The following COL14A1 variants were observed in gnomAD, a reference collection of about 807,000 sequenced individuals.
COL14A1 encodes collagen alpha-1(XIV) chain.
A neutral mutation model predicts 230.3 loss-of-function variants in COL14A1; 136 were observed. The observed-to-expected ratio is 0.59, with a 90% CI of 0.51 to 0.68. The LOEUF is 0.68. Among genes scored for constraint, COL14A1 ranks in the 30% least tolerant of loss-of-function variants. The pLI is 0.00. For synonymous variants in COL14A1, 792 were observed against 784.1 expected (o/e 1.01, Z -0.17); for missense variants, 1,976 against 2,215.8 (o/e 0.89, Z 2.17).
Position 120,225,175 on chromosome 8 carries a change from G to C in COL14A1, c.1825G>C (p.Glu609Gln). The C allele has an allele frequency of 6.2e-7, 1 of 1,613,092 alleles. No individual in the cohort carries two copies. The highest frequency in any genetic ancestry group is 8.5e-7 in the Non-Finnish European group (1 of 1,179,746). Residue 609 changes from glutamate to glutamine, a missense_variant, in exon 15 of 48, where the codon GAA (glutamate) becomes CAA (glutamine). Physicochemically the swap from Glu to Gln is conservative, Grantham distance 29 (BLOSUM62 2). Coordinates refer to ENST00000297848, the MANE Select transcript of COL14A1 (RefSeq NM_021110.4). The stretch of plus-strand genomic sequence containing the variant: ...TATTGCTATTTTCTCCATCTATGAT[G>C]AAGGACAGTCAGAGCCTCTGACTGG... ...YTIAIFSIYD[E>Q]GQSEPLTGVF... is the part of the protein sequence containing the mutation.
intron 44 of COL14A1, 75 bp from the exon 45 acceptor site, chr8:120,345,300 A>T: frequency 7.3e-7 from 1 of 1,377,628 alleles, no homozygotes; most frequent in Non-Finnish European, 9.8e-7. Context: ...TGCAGCCTTA[A>T]CAAATGACAC....
chr8:120,231,306 C>G (rs1359571803), intron 18 of COL14A1, among the ~76,000 whole-genome samples, 161 bp from the exon 19 acceptor site: 1 of 152,130 alleles, frequency 6.6e-6, no homozygotes, highest in Non-Finnish European at 1.5e-5. Context: ...TATCATGCCT[C>G]CCCATTAAGC....
intron 35 of COL14A1, among the ~76,000 whole-genome samples, chr8:120,300,448 G>T (rs1820675874): frequency 2.0e-5 from 3 of 151,862 alleles, no homozygotes; most frequent in African/African-American, 7.3e-5. Context: ...TAGTAATCAA[G>T]ATTTTTTTTT....
chr8:120,302,036 GA>G (rs1820729028), intron 36 of COL14A1, among the ~76,000 whole-genome samples: 1 of 151,694 alleles, frequency 6.6e-6, no homozygotes, highest in South Asian at 2.1e-4. Flanking sequence ...TCCTTCTTTT[GA>G]AAAGTGTCTG....
Position 120,212,089 on chromosome 8 carries a change from C to G in COL14A1, c.1468-359C>G, listed in dbSNP as rs549221680. 4.6e-5 allele frequency among the ~76,000 whole-genome samples: 7 copies of G among 152,346 alleles called. No individual in the cohort carries two copies. The East Asian group carries it at 1.4e-3, about 29-fold the overall frequency. On this transcript the variant is annotated intron_variant, in intron 12 of 47. Coordinates refer to ENST00000297848, the MANE Select transcript of COL14A1 (RefSeq NM_021110.4). ...TGCCCACTTGGCCTTGCCTCCAGCA[C>G]ACTGGCCTGGAGCTCACAGTCTCTA...
intron 25 of COL14A1, among the ~76,000 whole-genome samples, chr8:120,269,522 C>G (rs1819593733): frequency 6.6e-6 from 1 of 151,796 alleles, no homozygotes; most frequent in African/African-American, 2.4e-5. Context: ...CTTAGGGCCT[C>G]AGCCCAAGTG....
At chr8:120,287,618 TAAA>T in intron 33 of COL14A1, among the ~76,000 whole-genome samples, 1 of 152,274 alleles carries the variant, frequency 6.6e-6, no homozygotes, top group Non-Finnish European at 1.5e-5. Context: ...TGAGGTTCAT[TAAA>T]AATCGATTTA....
intron 5 of COL14A1, among the ~76,000 whole-genome samples, chr8:120,184,818 C>T (rs1382650891): frequency 6.6e-6 from 1 of 152,194 alleles, no homozygotes; most frequent in African/African-American, 2.4e-5. Context: ...TTCTCTCTTA[C>T]TCAGCATTTT....
Position 120,208,240 on chromosome 8 carries a change from A to C in COL14A1, c.1200A>C (p.Val400=), listed in dbSNP as rs748541976. Residue 400 remains valine (V), a synonymous_variant, in exon 11 of 48, where the codon GTA becomes GTC. Coordinates refer to ENST00000297848, the MANE Select transcript of COL14A1 (RefSeq NM_021110.4). ...AACTGTTCTTTAAACAGGTGGTGGT[A>C]GATGGAACTGTATCTTCCACAGTGT... The part of the protein sequence containing the change: ...TRGGKPDEVV[V]DGTVSSTVLK... The C allele has an allele frequency of 1.2e-6, 2 of 1,610,482 alleles. No homozygotes were observed. Among genetic ancestry groups the C allele is most frequent in the Non-Finnish European group, 1.7e-6 (2 of 1,177,682 alleles).
chr8:120,359,610 A>G lies in COL14A1; in HGVS notation c.5078-7561A>G, dbSNP rs191225472. 4.7e-4 allele frequency among the ~76,000 whole-genome samples: 71 copies of G among 152,336 alleles called. 1 individual carries two copies. In the East Asian group the frequency reaches 8.7e-3, roughly 19 times the overall value. On this transcript the variant is annotated intron_variant, in intron 45 of 47. Coordinates refer to ENST00000297848, the MANE Select transcript of COL14A1 (RefSeq NM_021110.4). The stretch of plus-strand genomic sequence containing the variant: ...TAATTTATAATTTTCTTAATAGCCA[A>G]TAGTGGAAATAATATAATAGCTCTT...
intron 2 of COL14A1, among the ~76,000 whole-genome samples, chr8:120,155,822 A>T (rs1815458104): frequency 6.6e-6 from 1 of 152,202 alleles, no homozygotes; most frequent in South Asian, 2.1e-4. Context: ...CAAGTTGATG[A>T]CTAAGCAAAA....
intron 19 of COL14A1, among the ~76,000 whole-genome samples, chr8:120,237,281 C>G (rs1416943244): frequency 1.3e-5 from 2 of 152,120 alleles, no homozygotes; most frequent in Non-Finnish European, 2.9e-5. Flanking sequence ...CACATTGTCC[C>G]ATATTTCTTG....
At chr8:120,170,950 T>G (rs1816076531) in intron 5 of COL14A1, among the ~76,000 whole-genome samples, 1 of 152,080 alleles carries the variant, frequency 6.6e-6, no homozygotes, top group African/African-American at 2.4e-5. Context: ...TCTCTTACAG[T>G]CATTGTGTTT....
chr8:120,147,988 T>C lies in COL14A1; in HGVS notation c.88+58T>C, dbSNP rs539125824. 28 of 1,205,046 alleles carry C rather than the reference T, an allele frequency of 2.3e-5. No individual in the cohort carries two copies. In the East Asian group the frequency reaches 6.4e-4, roughly 27 times the overall value. 74.6% of individuals were successfully genotyped at this position (1,205,046 alleles called of 1,614,324 possible). A position where few individuals can be genotyped will look rare whatever the true frequency, so the allele number is the denominator to read the frequency against. On this transcript the variant is annotated intron_variant, in intron 2 of 47. Coordinates refer to ENST00000297848, the MANE Select transcript of COL14A1 (RefSeq NM_021110.4). ...GGGACTCTAGCTTTCTTGTTTCTGA[T>C]TATCATTTTATTTTATTTATCCTAA...
chr8:120,275,630 A>C (rs1819814834), intron 26 of COL14A1, among the ~76,000 whole-genome samples: 1 of 151,990 alleles, frequency 6.6e-6, no homozygotes, highest in Non-Finnish European at 1.5e-5. Flanking sequence ...CACACAAATC[A>C]GCAAGAAAAA....
In COL14A1 at chr8:120,310,063, G is replaced by GT; in HGVS notation, c.4455+2dup. ...CCAGCAAGGTGAACCGGGTCCAAAG[G>GT]TAATGCGCATGTTTTCTCTCTCTCT... On this transcript the variant is annotated splice_donor_variant, in intron 37 of 47. Transcript: ENST00000297848. LOFTEE classifies it high-confidence loss of function. 2 of 1,612,980 alleles carry GT rather than the reference G, an allele frequency of 1.2e-6. No homozygotes were observed. Among genetic ancestry groups the GT allele is most frequent in the Non-Finnish European group, 1.7e-6 (2 of 1,179,244 alleles).
intron 40 of COL14A1, among the ~76,000 whole-genome samples, chr8:120,325,546 G>A (rs916383106): frequency 2.0e-5 from 3 of 152,148 alleles, no homozygotes; most frequent in Admixed American, 6.5e-5. Flanking sequence ...AGGCTGGAGT[G>A]CAGTGGTGCG....
rs529668523 is a variant in COL14A1 at position 120,149,143 on chromosome 8, G to A, written c.88+1213G>A. On this transcript the variant is annotated intron_variant, in intron 2 of 47. Coordinates refer to ENST00000297848, the MANE Select transcript of COL14A1 (RefSeq NM_021110.4). Reference sequence around the variant, plus strand: ...AATCTACAGAGACTGAAGTGTTGGTGATGAAATGTTATTTATCAGCTGAGC... The same window carrying A: ...AATCTACAGAGACTGAAGTGTTGGTAATGAAATGTTATTTATCAGCTGAGC... Among the ~76,000 whole-genome samples the A allele has an allele frequency of 7.2e-5, 11 of 152,244 alleles. No homozygotes were observed. In the South Asian group the frequency reaches 8.3e-4, roughly 11 times the overall value.
chr8:120,284,941 A>T (rs2100540), intron 32 of COL14A1, among the ~76,000 whole-genome samples: 99,413 of 151,696 alleles, frequency 0.66, 33,649 homozygotes, highest in African/African-American at 0.84. Flanking sequence ...AAAGGCATTT[A>T]AAAAAAAATT....
Sources: allele counts gnomAD v4.1 joint callset (sites outside exome capture counted in the v4.1 genomes callset), GRCh38; gene constraint gnomAD v4.1.1; transcripts MANE v1.5; gene names NCBI Gene and HGNC (gene_info 2026-07-23, HGNC 2026-07-21).